SCYL2: variants seen among roughly 807,000 people sequenced by gnomAD.
The protein encoded by SCYL2 is SCY1-like protein 2.
In SCYL2, 36 loss-of-function variants were observed where a neutral mutation model predicts 100.4. The observed-to-expected ratio is 0.36, with a 90% CI of 0.27 to 0.47. The LOEUF (loss-of-function observed/expected upper bound fraction) is 0.47, where lower values mean the gene tolerates loss of function less well. SCYL2 is among the 20% of genes least tolerant of loss of function. The pLI, the probability that SCYL2 is intolerant of heterozygous loss-of-function variation, is 1.00. For synonymous variants in SCYL2, 330 were observed against 359.2 expected (o/e 0.92, Z 0.92); for missense variants, 902 against 1,083.9 (o/e 0.83, Z 2.36).
At chr12:100,281,315 G>T (rs775660068) in intron 1 of SCYL2, among the ~76,000 whole-genome samples, 1 of 152,020 alleles carries the variant, frequency 6.6e-6, no homozygotes, top group Admixed American at 6.6e-5. Context: ...AAGCCTGAAT[G>T]CTTCTTTATT....
At chr12:100,302,102 T>G (rs1049343056) in intron 4 of SCYL2, among the ~76,000 whole-genome samples, 14 of 152,192 alleles carry the variant, frequency 9.2e-5, no homozygotes, top group Non-Finnish European at 1.9e-4. Context: ...GGTGCTGTAT[T>G]CTACTGTGGC....
At chr12:100,313,566 A>G in intron 7 of SCYL2, 28 bp downstream of exon 7, 1 of 1,211,670 alleles carries the variant, frequency 8.3e-7, no homozygotes, top group South Asian at 1.3e-5. Context: ...TCTGCCTAAG[A>G]TGGAGGAACA....
intron 11 of SCYL2, among the ~76,000 whole-genome samples, chr12:100,326,000 A>G (rs2096361345): frequency 1.3e-5 from 2 of 152,088 alleles, no homozygotes; most frequent in Non-Finnish European, 2.9e-5. Flanking sequence ...CTGGAGTTTT[A>G]TTAATACTAT....
intron 5 of SCYL2, 132 bp from the exon 6 acceptor site, chr12:100,312,300 A>G: frequency 1.4e-6 from 1 of 695,584 alleles, no homozygotes; most frequent in Non-Finnish European, 2.5e-6. Context: ...GGAATTTGGG[A>G]ATTTTGGGAT....
In SCYL2 at chr12:100,283,075, T is replaced by C; in HGVS notation, c.105T>C (p.Gly35=). The change falls in exon 2 of 18, where the codon GGT becomes GGC. Residue 35 remains glycine, a synonymous_variant. Coordinates refer to ENST00000360820, the MANE Select transcript of SCYL2 (RefSeq NM_017988.6). ...GNPVTREFDV[G]RHIASGGNGL... ...CTGTCACTAGAGAATTTGATGTTGG[T>C]CGACACATTGCCAGTGGTGGCAATG... 6.2e-7 allele frequency: 1 copy of C among 1,613,490 alleles called. No homozygotes were observed.
chr12:100,318,465 G>A (rs2096351874), intron 10 of SCYL2, among the ~76,000 whole-genome samples: 1 of 151,776 alleles, frequency 6.6e-6, no homozygotes, highest in Admixed American at 6.6e-5. Flanking sequence ...CTAGTAGCTG[G>A]AACTACAGGT....
chr12:100,296,710 A>C (rs2096321153), intron 3 of SCYL2: 1 of 152,144 alleles, frequency 6.6e-6, no homozygotes. Flanking sequence ...AAAGGGACCT[A>C]GCAGAGAAGA....
chr12:100,314,571 A>T lies in SCYL2; in HGVS notation c.1052A>T (p.Gln351Leu). 1 of 1,602,844 alleles carries T rather than the reference A, an allele frequency of 6.2e-7. No homozygotes were observed. The highest frequency in any genetic ancestry group is 1.3e-5 in the African/African-American group (1 of 74,352). Reference protein sequence around the residue: ...LFQRDNLQKSQFFKGLPKVLP... With the variant: ...LFQRDNLQKSLFFKGLPKVLP... Reference sequence around the variant, plus strand: ...CAAAGAGATAATCTTCAGAAATCACAGTTTTTCAAAGGACTGCCAAAGGTT... The same window carrying T: ...CAAAGAGATAATCTTCAGAAATCACTGTTTTTCAAAGGACTGCCAAAGGTT... Residue 351 changes from glutamine (Q) to leucine (L), a missense_variant, in exon 8 of 18, where the codon CAG becomes CTG. Gln to Leu is a moderately radical substitution (Grantham distance 113, BLOSUM62 -2). Coordinates refer to ENST00000360820, the MANE Select transcript of SCYL2 (RefSeq NM_017988.6).
rs375481363 is a variant in SCYL2, at chr12:100,273,440, G to C, written c.-29+5648G>C. Among the ~76,000 whole-genome samples the C allele has an allele frequency of 2.0e-4, 30 of 152,160 alleles. No individual in the cohort carries two copies. In the East Asian group the frequency reaches 5.0e-3, roughly 25 times the overall value. On this transcript the variant is annotated intron_variant, in intron 1 of 17. Transcript: ENST00000360820. Reference sequence around the variant, plus strand: ...TACTTGTCTGTCTTCTCCCTTTGATGTAAGATTTTTCATAGCTTATTTTTC... The same window carrying C: ...TACTTGTCTGTCTTCTCCCTTTGATCTAAGATTTTTCATAGCTTATTTTTC...
chr12:100,306,798 G>A (rs1283585394), intron 4 of SCYL2, among the ~76,000 whole-genome samples: 1 of 152,136 alleles, frequency 6.6e-6, no homozygotes, highest in African/African-American at 2.4e-5. Flanking sequence ...CTTCAGCAAA[G>A]TCTCAGGATA....
chr12:100,294,372 C>G (rs1458299076), intron 3 of SCYL2, among the ~76,000 whole-genome samples: 2 of 114,024 alleles, frequency 1.8e-5, no homozygotes, highest in Non-Finnish European at 3.7e-5. Flanking sequence ...GGCGGCTGGC[C>G]GGGCGGGGGG....
intron 10 of SCYL2, among the ~76,000 whole-genome samples, chr12:100,320,728 C>T (rs1323070656): frequency 3.9e-5 from 6 of 152,014 alleles, no homozygotes; most frequent in South Asian, 2.1e-4. Context: ...ACTTTCCAGT[C>T]GCTTTTTAAT....
intron 13 of SCYL2, among the ~76,000 whole-genome samples, chr12:100,331,870 T>A (rs968524784): frequency 1.3e-5 from 2 of 152,138 alleles, no homozygotes; most frequent in African/African-American, 4.8e-5. Context: ...CTTAGGAAAA[T>A]ACATTTTCAG....
At position 100,267,261 on chromosome 12, in the gene SCYL2, G is replaced by T; in HGVS notation, c.-560G>T. The T allele has an allele frequency of 3.2e-6, 2 of 622,118 alleles. No homozygotes were observed. The highest frequency in any genetic ancestry group is 3.1e-5 in the Admixed American group (1 of 32,120). 38.5% of individuals were successfully genotyped at this position (622,118 alleles called of 1,614,324 possible). ...TTCTAGCTCCGACGTTTGCGGCCGC[G>T]GGGGCGGCGGAGGATATGGAGTAAA... is the stretch of plus-strand genomic sequence containing the variant. On this transcript the variant is annotated 5_prime_UTR_variant, in exon 1 of 18. Transcript: ENST00000360820.
At chr12:100,327,958 C>T (rs1952155951) in intron 12 of SCYL2, among the ~76,000 whole-genome samples, 4 of 152,088 alleles carry the variant, frequency 2.6e-5, no homozygotes, top group South Asian at 4.1e-4. Flanking sequence ...CTAGGGATAT[C>T]GCATGAATCT....
intron 3 of SCYL2, among the ~76,000 whole-genome samples, chr12:100,294,314 T>G (rs2096314713): frequency 9.4e-6 from 1 of 106,802 alleles, no homozygotes; most frequent in South Asian, 3.6e-4. Context: ...GGCTCCTCAC[T>G]TCCCAGTAGG....
chr12:100,276,930 A>AATTTTC (rs777836914), intron 1 of SCYL2, among the ~76,000 whole-genome samples: 6 of 151,960 alleles, frequency 3.9e-5, no homozygotes, highest in Non-Finnish European at 8.8e-5. Flanking sequence ...ATGACCCACA[A>AATTTTC]ATTTTCATTT....
At chr12:100,272,155 G>T (rs1025518866) in intron 1 of SCYL2, among the ~76,000 whole-genome samples, 1 of 152,160 alleles carries the variant, frequency 6.6e-6, no homozygotes, top group African/African-American at 2.4e-5. Context: ...TGAAATTTAG[G>T]AAGGGCAGAT....
At chr12:100,333,588 C>G (rs1952238047) in intron 13 of SCYL2, 1 of 152,234 alleles carries the variant, frequency 6.6e-6, no homozygotes, top group Admixed American at 6.5e-5. Context: ...GATGAATGAT[C>G]AGCAGTTGAC....
Sources: allele counts gnomAD v4.1 joint callset (sites outside exome capture counted in the v4.1 genomes callset), GRCh38; gene constraint gnomAD v4.1.1; transcripts MANE v1.5; gene names NCBI Gene and HGNC (gene_info 2026-07-23, HGNC 2026-07-21).